The following KLHL4 variants were observed in gnomAD, a reference collection of about 807,000 sequenced individuals.
KLHL4 encodes the protein kelch-like protein 4.
A neutral mutation model predicts 45.8 loss-of-function variants in KLHL4; 17 were observed. The ratio of observed to expected loss-of-function variants is 0.37; its 90% CI spans 0.25 to 0.56. The LOEUF is 0.56. Ranked by LOEUF, KLHL4 falls within the 20% of genes least tolerant of loss-of-function variation. The pLI, the probability that KLHL4 is intolerant of heterozygous loss-of-function variation, is 0.79. For synonymous variants in KLHL4, 224 were observed against 189.9 expected (o/e 1.18, Z -1.47); for missense variants, 544 against 544.9 (o/e 1.00, Z 0.02).
chrX:87,616,001 A>G (rs1292707108), intron 3 of KLHL4, among the ~76,000 whole-genome samples: 1 of 111,611 alleles, frequency 9.0e-6, no homozygotes, highest in Non-Finnish European at 1.9e-5. Context: ...ATGTATGAAT[A>G]AACTTTTATT....
At chrX:87,543,273 T>C (rs889239119) in intron 1 of KLHL4, among the ~76,000 whole-genome samples, 8 of 111,331 alleles carry the variant, frequency 7.2e-5, no homozygotes, top group African/African-American at 2.6e-4. Flanking sequence ...ATATTCAGTT[T>C]TGGAAAAATA....
chrX:87,530,611 T>A (rs987564042), intron 1 of KLHL4, among the ~76,000 whole-genome samples: 1 of 107,164 alleles, frequency 9.3e-6, no homozygotes, highest in Non-Finnish European at 1.9e-5. Flanking sequence ...CATCATTTTT[T>A]ATGGCTGCAT....
chrX:87,638,861 G>A (rs1184498735), intron 9 of KLHL4, among the ~76,000 whole-genome samples: 1 of 111,587 alleles, frequency 9.0e-6, no homozygotes, highest in Non-Finnish European at 1.9e-5. Flanking sequence ...AACGGTGAAT[G>A]TAAAATGGCC....
At chrX:87,562,560 AT>A (rs1483366853) in intron 1 of KLHL4, among the ~76,000 whole-genome samples, 1 of 107,396 alleles carries the variant, frequency 9.3e-6, no homozygotes, top group Non-Finnish European at 1.9e-5. Context: ...AAAAAAAAAA[AT>A]TGTCTTTCAA....
At chrX:87,624,373 A>G (rs1437699632) in intron 5 of KLHL4, among the ~76,000 whole-genome samples, 1 of 112,136 alleles carries the variant, frequency 8.9e-6, no homozygotes, top group East Asian at 2.8e-4. Flanking sequence ...TATAAAAAGG[A>G]TGGTGATGAA....
rs745962427 is a variant in KLHL4 at position 87,551,718 on chromosome X, G to A, written c.422+33403G>A. On this transcript the variant is annotated intron_variant, in intron 1 of 10. Coordinates refer to ENST00000373119, the MANE Select transcript of KLHL4 (RefSeq NM_019117.5). ...ATAAAAATAGACACATAGACCAATG[G>A]AACAGAAGAGAGAACCCAGAAATAA... Among the ~76,000 whole-genome samples the A allele has an allele frequency of 1.3e-4, 15 of 111,558 alleles. No homozygotes were observed. In the South Asian group the frequency reaches 5.2e-3, roughly 39 times the overall value.
intron 1 of KLHL4, among the ~76,000 whole-genome samples, chrX:87,594,042 C>T (rs757158474): frequency 1.8e-5 from 2 of 111,323 alleles, no homozygotes; most frequent in South Asian, 7.5e-4. Context: ...AATTCTCTGA[C>T]ACCAAAAGAA....
At chrX:87,631,127 C>T (rs149440653) in intron 6 of KLHL4, among the ~76,000 whole-genome samples, 2,184 of 111,379 alleles carry the variant, frequency 0.02, 24 homozygotes, top group Middle Eastern at 0.066. Context: ...TGGCAGCCCC[C>T]ACACCAATCT....
At chrX:87,583,084 G>A (rs1921338688) in intron 1 of KLHL4, among the ~76,000 whole-genome samples, 1 of 111,170 alleles carries the variant, frequency 9.0e-6, no homozygotes, top group Admixed American at 9.5e-5. Flanking sequence ...AGTGATGATT[G>A]GTGCGTTTTT....
intron 1 of KLHL4, among the ~76,000 whole-genome samples, chrX:87,598,508 A>G (rs772795685): frequency 5.4e-5 from 6 of 111,772 alleles, no homozygotes; most frequent in South Asian, 7.4e-4. Flanking sequence ...CCATGAATAC[A>G]TGAATTAACT....
chrX:87,659,603 T>C (rs1924119017), intron 9 of KLHL4, among the ~76,000 whole-genome samples: 1 of 111,889 alleles, frequency 8.9e-6, no homozygotes, highest in South Asian at 3.7e-4. Flanking sequence ...TTTTAACTTA[T>C]TTCCATTATT....
At chrX:87,664,457 G>A (rs1924297669) in intron 9 of KLHL4, among the ~76,000 whole-genome samples, 1 of 111,622 alleles carries the variant, frequency 9.0e-6, no homozygotes. Flanking sequence ...TAAATGAGAG[G>A]AGACTTTTTT....
chrX:87,557,129 T>C (rs1451289478), intron 1 of KLHL4, among the ~76,000 whole-genome samples: 3 of 112,333 alleles, frequency 2.7e-5, no homozygotes, highest in African/African-American at 9.7e-5. Context: ...ATTTTTAGAA[T>C]AAACTGTGAC....
rs180948257 is a variant in KLHL4, at chrX:87,653,278, A to G, written c.1926-11486A>G. Among the ~76,000 whole-genome samples the G allele has an allele frequency of 2.8e-4, 31 of 111,974 alleles. No homozygotes were observed. In the East Asian group the frequency reaches 8.2e-3, roughly 30 times the overall value. ...ATGGGTAGCCAGTTCTTCCAGTACC[A>G]TTTATTAAATAGGGAATCTTTTATC... is the stretch of plus-strand genomic sequence containing the variant. On this transcript the variant is annotated intron_variant, in intron 9 of 10. Transcript: ENST00000373119.
intron 9 of KLHL4, among the ~76,000 whole-genome samples, chrX:87,660,493 A>G (rs1218336288): frequency 1.8e-5 from 2 of 112,211 alleles, no homozygotes; most frequent in Admixed American, 9.5e-5. Flanking sequence ...CTTGATCAAA[A>G]GTGCTAATGA....
In KLHL4 at chrX:87,627,532, A is replaced by T. The variant is rs190028395; in HGVS notation, c.1324+1736A>T. On this transcript the variant is annotated intron_variant, in intron 6 of 10. Coordinates refer to ENST00000373119, the MANE Select transcript of KLHL4 (RefSeq NM_019117.5). Reference sequence around the variant, plus strand: ...GCAGATTTGTAGGGTTACTTCAAGAACTGATGTGCTTCAGGAAATAACAGA... The same window carrying T: ...GCAGATTTGTAGGGTTACTTCAAGATCTGATGTGCTTCAGGAAATAACAGA... Among the ~76,000 whole-genome samples, 572 of 111,625 alleles carry T rather than the reference A, an allele frequency of 5.1e-3. 4 individuals carry two copies. Among genetic ancestry groups the T allele is most frequent in the African/African-American group, 0.018 (543 of 30,795 alleles).
intron 1 of KLHL4, among the ~76,000 whole-genome samples, chrX:87,586,631 A>C (rs1921482279): frequency 9.0e-6 from 1 of 111,202 alleles, no homozygotes; most frequent in African/African-American, 3.3e-5. Context: ...GAAAACCAGC[A>C]CTAGGAGGGA....
intron 9 of KLHL4, among the ~76,000 whole-genome samples, chrX:87,660,218 G>T (rs1924143118): frequency 9.0e-6 from 1 of 111,123 alleles, no homozygotes; most frequent in Admixed American, 9.6e-5. Flanking sequence ...AAAAGTTAGG[G>T]TACAAGCCTG....
chrX:87,541,006 T>C (rs1164202591), intron 1 of KLHL4, among the ~76,000 whole-genome samples: 1 of 110,918 alleles, frequency 9.0e-6, no homozygotes, highest in East Asian at 2.9e-4. Context: ...CAGTCCATTG[T>C]TGACTGAAAC....
Sources: gnomAD v4.1 joint callset for allele counts (sites outside exome capture counted in the v4.1 genomes callset) on GRCh38, gnomAD v4.1.1 for gene constraint, MANE v1.5 for transcripts, NCBI Gene and HGNC (gene_info 2026-07-23, HGNC 2026-07-21) for gene names.